EXOC5: variants seen among roughly 807,000 people sequenced by gnomAD.
The protein encoded by EXOC5 is SEC10-like 1.
A neutral mutation model predicts 90.8 loss-of-function variants in EXOC5; 17 were observed. The observed-to-expected ratio is 0.19, with a 90% CI of 0.13 to 0.28. The LOEUF is 0.28. Among genes scored for constraint, EXOC5 ranks in the 10% least tolerant of loss-of-function variants. The pLI, the probability that EXOC5 is intolerant of heterozygous loss-of-function variation, is 1.00. For missense variants in EXOC5, 569 were observed against 830.6 expected, an observed-to-expected ratio of 0.69 and a Z score of 3.87; for synonymous variants, 260 against 270.0, an observed-to-expected ratio of 0.96 and a Z score of 0.36.
intron 15 of EXOC5, among the ~76,000 whole-genome samples, chr14:57,212,658 C>T (rs1477138688): frequency 1.3e-5 from 2 of 152,204 alleles, no homozygotes; most frequent in Non-Finnish European, 2.9e-5. Flanking sequence ...TCAGCAACAA[C>T]CCTGGCAAAC....
intron 5 of EXOC5, among the ~76,000 whole-genome samples, chr14:57,238,496 A>G (rs1213491051): frequency 6.6e-6 from 1 of 151,246 alleles, no homozygotes; most frequent in Non-Finnish European, 1.5e-5. Flanking sequence ...GGATGCAGTC[A>G]ATAATTATTA....
intron 13 of EXOC5, among the ~76,000 whole-genome samples, chr14:57,221,671 T>C (rs1812540465): frequency 6.6e-6 from 1 of 152,150 alleles, no homozygotes; most frequent in Admixed American, 6.6e-5. Flanking sequence ...AAGTGGGAAA[T>C]GGTAATGCCT....
intron 13 of EXOC5, among the ~76,000 whole-genome samples, chr14:57,220,994 G>C (rs1883120666): frequency 6.6e-6 from 1 of 152,166 alleles, no homozygotes; most frequent in East Asian, 1.9e-4. Flanking sequence ...AATGAATTCT[G>C]ATGAGTGGTG....
Position 57,203,772 on chromosome 14 carries a change from T to C in EXOC5, c.*4837A>G, listed in dbSNP as rs45464393. The stretch of plus-strand genomic sequence containing the variant: ...GGATACTGTCTCTTAAACACAGTAA[T>C]ATAAATATTAGTATCTTGGCTAAAA... On this transcript the variant is annotated 3_prime_UTR_variant, in exon 18 of 18. Coordinates refer to ENST00000621441, the MANE Select transcript of EXOC5 (RefSeq NM_006544.4). 0.016 allele frequency: 2,414 copies of C among 152,688 alleles called. 27 individuals carry two copies. The highest frequency in any genetic ancestry group is 0.026 in the Non-Finnish European group (1,760 of 67,994). 9.5% of individuals were successfully genotyped at this position (152,688 alleles called of 1,614,324 possible).
chr14:57,246,529 A>G (rs1461425939), intron 3 of EXOC5, among the ~76,000 whole-genome samples, 182 bp downstream of exon 3: 1 of 152,220 alleles, frequency 6.6e-6, no homozygotes, highest in Non-Finnish European at 1.5e-5. Flanking sequence ...ACTCTGTGGA[A>G]AGCCAATGCC....
chr14:57,246,835 T>C lies in EXOC5; in HGVS notation c.146A>G (p.His49Arg), dbSNP rs1489283492. 6.3e-7 allele frequency: 1 copy of C among 1,583,090 alleles called. No individual in the cohort carries two copies. The highest frequency in any genetic ancestry group is 1.4e-5 in the African/African-American group (1 of 73,586). ...ATCCATTATCTGGAGTTCCTGAATA[T>C]GATTTACAAATTCTTCTAATAATCT... ...PKRLLEEFVN[H>R]IQELQIMDER... Residue 49 changes from histidine to arginine, a missense_variant, in exon 3 of 18, where the codon CAT (histidine) becomes CGT (arginine). Transcript: ENST00000621441.
intron 5 of EXOC5, among the ~76,000 whole-genome samples, chr14:57,237,996 T>C (rs1883715644): frequency 6.6e-6 from 1 of 151,812 alleles, no homozygotes; most frequent in African/African-American, 2.4e-5. Flanking sequence ...GTGAAATGCA[T>C]AGCATGAAAA....
intron 15 of EXOC5, among the ~76,000 whole-genome samples, chr14:57,214,110 C>A (rs1366754788): frequency 6.6e-6 from 1 of 152,076 alleles, no homozygotes; most frequent in African/African-American, 2.4e-5. Flanking sequence ...AAAAAAAGCA[C>A]ACACACAGGT....
chr14:57,224,060 A>G (rs1293517467), intron 12 of EXOC5, among the ~76,000 whole-genome samples: 1 of 152,198 alleles, frequency 6.6e-6, no homozygotes, highest in Non-Finnish European at 1.5e-5. Flanking sequence ...CAGCTAAAGT[A>G]GTATTTACAG....
At chr14:57,225,010 C>T (rs771151310) in intron 12 of EXOC5, among the ~76,000 whole-genome samples, 2 of 151,824 alleles carry the variant, frequency 1.3e-5, no homozygotes, top group African/African-American at 4.8e-5. Context: ...TGCAGTGAGC[C>T]GAGATCGTGC....
rs527909851 is a variant in EXOC5, at chr14:57,237,992, T to C, written c.531-626A>G. Among the ~76,000 whole-genome samples, 18 of 152,000 alleles carry C rather than the reference T, an allele frequency of 1.2e-4. No individual in the cohort carries two copies. The Middle Eastern group carries it at 0.027, about 231-fold the overall frequency. On this transcript the variant is annotated intron_variant, in intron 5 of 17. Coordinates refer to ENST00000621441, the MANE Select transcript of EXOC5 (RefSeq NM_006544.4). ...TCAAATCTCAAATATCTAAGTGAAA[T>C]GCATAGCATGAAAAAGAAATATTTT... is the stretch of plus-strand genomic sequence containing the variant.
intron 11 of EXOC5, among the ~76,000 whole-genome samples, chr14:57,230,965 G>A (rs577223700): frequency 2.0e-5 from 3 of 148,452 alleles, no homozygotes; most frequent in East Asian, 3.9e-4. Flanking sequence ...TGTTCTGCTC[G>A]ATAGTTTTAA....
At position 57,205,502 on chromosome 14, in the gene EXOC5, T is replaced by C. The variant is rs1882625442; in HGVS notation, c.*3107A>G. ...CTGAACTGCTGTCTCTCAAACACAG[T>C]TCAAGCATGCCTTAGCCACTACCTT... is the stretch of plus-strand genomic sequence containing the variant. On this transcript the variant is annotated 3_prime_UTR_variant, in exon 18 of 18. Transcript: ENST00000621441. The C allele has an allele frequency of 4.8e-6, 1 of 207,638 alleles. No homozygotes were observed. Among genetic ancestry groups the C allele is most frequent in the Non-Finnish European group, 9.7e-6 (1 of 103,422 alleles). The allele number at this position is 207,638 out of a possible 1,614,324, so 12.9% of individuals were successfully genotyped here.
In EXOC5 at chr14:57,201,469, T is replaced by G. The variant is rs1442580555; in HGVS notation, c.*7140A>C. 1.4e-5 allele frequency: 2 copies of G among 140,584 alleles called. No homozygotes were observed. Among genetic ancestry groups the G allele is most frequent in the East Asian group, 2.0e-4 (1 of 5,032 alleles). 8.7% of individuals were successfully genotyped at this position (140,584 alleles called of 1,614,324 possible). A position where few individuals can be genotyped will look rare whatever the true frequency, so the allele number is the denominator to read the frequency against. Reference sequence around the variant, plus strand: ...GTGTATATATACACACGCGTGTATATGTACACACACGTGTATAAACACACG... The same window carrying G: ...GTGTATATATACACACGCGTGTATAGGTACACACACGTGTATAAACACACG... On this transcript the variant is annotated 3_prime_UTR_variant, in exon 18 of 18. Transcript: ENST00000621441.
chr14:57,250,124 T>C (rs1454140757), intron 1 of EXOC5, among the ~76,000 whole-genome samples: 1 of 151,928 alleles, frequency 6.6e-6, no homozygotes, highest in Admixed American at 6.6e-5. Context: ...TCTAAGAAAA[T>C]AAATTTTGAG....
chr14:57,227,825 T>C (rs1454744508), intron 12 of EXOC5, among the ~76,000 whole-genome samples: 1 of 152,076 alleles, frequency 6.6e-6, no homozygotes. Flanking sequence ...ACATAAATAA[T>C]TAAGACTGCC....
chr14:57,243,925 T>C (rs1247417840), intron 4 of EXOC5, among the ~76,000 whole-genome samples: 3 of 152,170 alleles, frequency 2.0e-5, no homozygotes. Flanking sequence ...ACAGCATTTT[T>C]AAGCCACAAA....
chr14:57,238,363 TATATATATATATACAC>T (rs57546477), intron 5 of EXOC5, among the ~76,000 whole-genome samples: 1,419 of 94,018 alleles, frequency 0.015, 23 homozygotes, highest in African/African-American at 0.041. Context: ...TATATATATA[TATATATATATATACAC>T]ACACACACAC....
Position 57,203,859 on chromosome 14 carries a change from TATC to T in EXOC5, c.*4747_*4749del, listed in dbSNP as rs1354881721. ...CATATTAATATAGAAAAATACATGTTATCAGCAGCATGATGTTGACCATGTTCT... is the reference window on the plus strand; with the variant it reads ...CATATTAATATAGAAAAATACATGTTAGCAGCATGATGTTGACCATGTTCT... On this transcript the variant is annotated 3_prime_UTR_variant, in exon 18 of 18. Transcript: ENST00000621441. 1.3e-5 allele frequency: 2 copies of T among 152,636 alleles called. No individual in the cohort carries two copies. Among genetic ancestry groups the T allele is most frequent in the Non-Finnish European group, 1.5e-5 (1 of 68,042 alleles). The allele number at this position is 152,636 out of a possible 1,614,324, so 9.5% of individuals were successfully genotyped here.
Sources: allele counts gnomAD v4.1 joint callset (sites outside exome capture counted in the v4.1 genomes callset), GRCh38; gene constraint gnomAD v4.1.1; transcripts MANE v1.5; gene names NCBI Gene and HGNC (gene_info 2026-07-23, HGNC 2026-07-21).